Variants in PDS5B observed in about 807,000 individuals in gnomAD.
PDS5B encodes sister chromatid cohesion protein PDS5 homolog B.
A neutral mutation model predicts 184.1 loss-of-function variants in PDS5B; 51 were observed. The observed-to-expected ratio is 0.28, with a 90% CI of 0.22 to 0.35. The LOEUF is 0.35. Among genes scored for constraint, PDS5B ranks in the 10% least tolerant of loss-of-function variants. The pLI, the probability that PDS5B is intolerant of heterozygous loss-of-function variation, is 1.00. For missense variants in PDS5B, 1,180 were observed against 1,723.3 expected (o/e 0.68, Z 5.58); for synonymous variants, 566 against 569.2 (o/e 0.99, Z 0.08).
At chr13:32,699,629 G>A (rs184487470) in intron 15 of PDS5B, 101 bp from the exon 16 acceptor site, 20 of 584,998 alleles carry the variant, frequency 3.4e-5, no homozygotes, top group Non-Finnish European at 4.6e-5. Context: ...GAATTTGTAC[G>A]TAAGGATTTT....
chr13:32,612,719 C>T (rs551093799), intron 1 of PDS5B, among the ~76,000 whole-genome samples: 1 of 152,282 alleles, frequency 6.6e-6, no homozygotes, highest in East Asian at 1.9e-4. Context: ...GGAGTGGATT[C>T]ATTATAAAAG....
intron 6 of PDS5B, among the ~76,000 whole-genome samples, chr13:32,661,417 A>AAC (rs1566297749): frequency 1.3e-5 from 2 of 149,822 alleles, no homozygotes; most frequent in Non-Finnish European, 3.0e-5. Context: ...AAAACAGAAA[A>AAC]AGAAAAAGAA....
intron 1 of PDS5B, among the ~76,000 whole-genome samples, chr13:32,608,494 G>T (rs915480372): frequency 1.2e-4 from 19 of 152,166 alleles, no homozygotes; most frequent in Non-Finnish European, 2.1e-4. Context: ...TTAACGAATT[G>T]TAGGAAGCGT....
At chr13:32,668,568 A>G (rs1481068074) in intron 7 of PDS5B, among the ~76,000 whole-genome samples, 1 of 152,130 alleles carries the variant, frequency 6.6e-6, no homozygotes, top group Non-Finnish European at 1.5e-5. Flanking sequence ...TTCTGTGTGA[A>G]TGGTGCCTCC....
intron 19 of PDS5B, among the ~76,000 whole-genome samples, chr13:32,728,935 T>TA (rs1322670831): frequency 6.6e-6 from 1 of 152,174 alleles, no homozygotes; most frequent in Non-Finnish European, 1.5e-5. Flanking sequence ...TCTTCTTTTT[T>TA]AAAAAAATTA....
chr13:32,641,530 T>G (rs1950088682), intron 1 of PDS5B, among the ~76,000 whole-genome samples: 1 of 152,150 alleles, frequency 6.6e-6, no homozygotes, highest in Non-Finnish European at 1.5e-5. Flanking sequence ...TTTGCCTAGG[T>G]TTTTGTAATA....
At chr13:32,660,935 A>G (rs935630689) in intron 6 of PDS5B, among the ~76,000 whole-genome samples, 5 of 152,342 alleles carry the variant, frequency 3.3e-5, no homozygotes, top group African/African-American at 1.2e-4. Flanking sequence ...CATAACTTGC[A>G]TAGCTCCTTG....
chr13:32,719,795 T>C (rs1469132243), intron 19 of PDS5B, among the ~76,000 whole-genome samples: 3 of 141,898 alleles, frequency 2.1e-5, no homozygotes, highest in Non-Finnish European at 4.6e-5. Flanking sequence ...CCCCCCCCTT[T>C]TTTTTTTGTT....
At chr13:32,633,639 T>G (rs2058493126) in intron 1 of PDS5B, among the ~76,000 whole-genome samples, 1 of 152,342 alleles carries the variant, frequency 6.6e-6, no homozygotes, top group Non-Finnish European at 1.5e-5. Context: ...TTCCCCATTA[T>G]AGGGAAATTT....
chr13:32,642,180 A>G (rs1950113210), intron 1 of PDS5B, among the ~76,000 whole-genome samples: 1 of 152,132 alleles, frequency 6.6e-6, no homozygotes, highest in Admixed American at 6.6e-5. Flanking sequence ...AACTTGTTTT[A>G]ATTTCTCCTG....
intron 10 of PDS5B, among the ~76,000 whole-genome samples, chr13:32,681,284 TA>T (rs1951231673): frequency 6.6e-6 from 1 of 152,144 alleles, no homozygotes; most frequent in Non-Finnish European, 1.5e-5. Context: ...GATAAAGTGA[TA>T]AAAGTATAAG....
intron 24 of PDS5B, among the ~76,000 whole-genome samples, chr13:32,749,712 T>C (rs1953903613): frequency 6.6e-6 from 1 of 152,184 alleles, no homozygotes; most frequent in African/African-American, 2.4e-5. Flanking sequence ...ATGGTATTAA[T>C]GGTAGTTTTG....
chr13:32,767,452 G>GA (rs1954620348), intron 31 of PDS5B, among the ~76,000 whole-genome samples: 3 of 152,186 alleles, frequency 2.0e-5, no homozygotes, highest in South Asian at 4.2e-4. Flanking sequence ...AGAAGCAATT[G>GA]AAAATCTATC....
At chr13:32,724,116 G>A (rs1952813345) in intron 19 of PDS5B, among the ~76,000 whole-genome samples, 1 of 152,122 alleles carries the variant, frequency 6.6e-6, no homozygotes, top group African/African-American at 2.4e-5. Flanking sequence ...CAAAAAATGT[G>A]TTTTTGTTGT....
intron 1 of PDS5B, among the ~76,000 whole-genome samples, chr13:32,646,489 A>G (rs1210711609): frequency 1.3e-5 from 2 of 149,612 alleles, no homozygotes; most frequent in African/African-American, 4.9e-5. Flanking sequence ...ATTGCTGTGA[A>G]CATTTTTTTA....
chr13:32,675,095 A>G (rs747799352), intron 8 of PDS5B, among the ~76,000 whole-genome samples: 31 of 152,214 alleles, frequency 2.0e-4, no homozygotes, highest in Middle Eastern at 6.8e-3. Flanking sequence ...GCATTGGTTT[A>G]AAATTTAAAA....
chr13:32,721,961 C>T (rs1195685851), intron 19 of PDS5B, among the ~76,000 whole-genome samples: 9 of 152,248 alleles, frequency 5.9e-5, no homozygotes, highest in Middle Eastern at 6.8e-3. Context: ...GGGTGGCGGC[C>T]GGGCAGAGGC....
chr13:32,747,277 CA>C (rs1177604135), intron 24 of PDS5B, among the ~76,000 whole-genome samples: 3 of 151,958 alleles, frequency 2.0e-5, no homozygotes, highest in Non-Finnish European at 4.4e-5. Flanking sequence ...TCTTCTTTTC[CA>C]AGTAGTCTTA....
intron 1 of PDS5B, among the ~76,000 whole-genome samples, chr13:32,639,528 A>AT (rs764989698): frequency 6.6e-5 from 10 of 152,236 alleles, no homozygotes; most frequent in Non-Finnish European, 1.3e-4. Context: ...CAGTTGGAAA[A>AT]TATGTAAACA....
Sources: allele counts gnomAD v4.1 joint callset (sites outside exome capture counted in the v4.1 genomes callset), GRCh38; gene constraint gnomAD v4.1.1; transcripts MANE v1.5; gene names NCBI Gene and HGNC (gene_info 2026-07-23, HGNC 2026-07-21).